The following PACC1 variants were observed in gnomAD, a reference collection of about 807,000 sequenced individuals.
PACC1 encodes the protein proton-activated chloride channel.
PACC1 carries 34 observed loss-of-function variants against 39.7 expected under a neutral mutation model. That is an observed-to-expected ratio of 0.86 (90% CI 0.65 to 1.14). The LOEUF (loss-of-function observed/expected upper bound fraction) is 1.14. Ranked by LOEUF, PACC1 falls within the 50% of genes most tolerant of loss-of-function variation. The pLI, the probability that PACC1 is intolerant of heterozygous loss-of-function variation, is 0.00. For missense variants in PACC1, 379 were observed against 436.4 expected (o/e 0.87, Z 1.17); for synonymous variants, 127 against 160.6 (o/e 0.79, Z 1.58).
chr1:212,406,714 C>T (rs1008144455), intron 2 of PACC1, among the ~76,000 whole-genome samples: 3 of 152,232 alleles, frequency 2.0e-5, no homozygotes, highest in South Asian at 2.1e-4. Flanking sequence ...AGTGGGAATG[C>T]TCTTGCCAGT....
At chr1:212,375,002 G>A (rs1330432134) in intron 7 of PACC1, among the ~76,000 whole-genome samples, 191 bp downstream of exon 7, 1 of 152,116 alleles carries the variant, frequency 6.6e-6, no homozygotes, top group African/African-American at 2.4e-5. Flanking sequence ...TAACATTGAT[G>A]TCATAAATAT....
chr1:212,385,747 G>A (rs1213285788), intron 3 of PACC1, among the ~76,000 whole-genome samples: 2 of 152,112 alleles, frequency 1.3e-5, no homozygotes, highest in African/African-American at 4.8e-5. Flanking sequence ...CAGCCCCTGT[G>A]CCACCCCTCT....
chr1:212,396,851 T>TC (rs1304706448), intron 2 of PACC1, among the ~76,000 whole-genome samples: 13 of 135,926 alleles, frequency 9.6e-5, no homozygotes, highest in East Asian at 8.8e-4. Flanking sequence ...TATCTATCTA[T>TC]TACATATAGA....
At chr1:212,412,057 C>A (rs1017136387) in intron 1 of PACC1, among the ~76,000 whole-genome samples, 5 of 152,002 alleles carry the variant, frequency 3.3e-5, no homozygotes, top group African/African-American at 1.2e-4. Context: ...AGGAGAATCT[C>A]TTGAACCCGG....
At chr1:212,382,185 C>T (rs528640648) in intron 4 of PACC1, among the ~76,000 whole-genome samples, 56 of 152,138 alleles carry the variant, frequency 3.7e-4, no homozygotes, top group African/African-American at 1.3e-3. Context: ...ACTACAGGCA[C>T]GTGCCACTAC....
chr1:212,413,941 G>C lies in PACC1; in HGVS notation c.36+781C>G, dbSNP rs1389260139. The C allele has an allele frequency of 9.8e-6, 15 of 1,535,626 alleles. No homozygotes were observed. The East Asian group carries it at 3.2e-4, about 33-fold the overall frequency. ...GGCCAATGAGGCGGCACGATGGAGG[G>C]GCACAGAAGAGGACGGTTGCCAAAG... On this transcript the variant is annotated intron_variant, in intron 1 of 7. Coordinates refer to ENST00000261455, the MANE Select transcript of PACC1 (RefSeq NM_018252.3).
At chr1:212,388,783 G>A (rs1661197036) in intron 2 of PACC1, among the ~76,000 whole-genome samples, 1 of 152,182 alleles carries the variant, frequency 6.6e-6, no homozygotes, top group Admixed American at 6.5e-5. Context: ...ACAGCAGTCT[G>A]AGCTGACTAA....
intron 1 of PACC1, chr1:212,413,879 A>G (rs1662225970): frequency 6.5e-7 from 1 of 1,526,980 alleles, no homozygotes; most frequent in South Asian, 1.2e-5. Context: ...ACAGGGACAC[A>G]AACTGGAGGA....
intron 2 of PACC1, among the ~76,000 whole-genome samples, chr1:212,407,492 G>T (rs780378870): frequency 1.5e-4 from 23 of 152,206 alleles, no homozygotes; most frequent in Non-Finnish European, 2.9e-4. Context: ...AGAAACAATA[G>T]AAAACTAATA....
intron 4 of PACC1, among the ~76,000 whole-genome samples, chr1:212,383,336 A>C (rs792446): frequency 0.51 from 78,136 of 152,010 alleles, 20,554 homozygotes; most frequent in Middle Eastern, 0.64. Context: ...CTAAGCATAC[A>C]CTTCAACTGG....
At chr1:212,392,069 T>C (rs1661342844) in intron 2 of PACC1, among the ~76,000 whole-genome samples, 1 of 152,092 alleles carries the variant, frequency 6.6e-6, no homozygotes, top group African/African-American at 2.4e-5. Context: ...CAGGCCAACA[T>C]TCAAATTCAG....
At position 212,385,320 on chromosome 1, in the gene PACC1, G is replaced by A; in HGVS notation, c.449C>T (p.Thr150Ile). The change falls in exon 4 of 8, where the codon ACC becomes ATC. Residue 150 changes from threonine (T) to isoleucine (I), a missense_variant. Coordinates refer to ENST00000261455, the MANE Select transcript of PACC1 (RefSeq NM_018252.3). ...GTCCGTGTAGTTGATCCTCTGGGTG[G>A]TGCAATTCATGTCACCCGGCTGGCC... ...SPGQPGDMNC[T>I]TQRINYTDPF... 1.2e-6 allele frequency: 2 copies of A among 1,614,156 alleles called. No homozygotes were observed. The highest frequency in any genetic ancestry group is 1.7e-6 in the Non-Finnish European group (2 of 1,180,020).
In PACC1 at chr1:212,387,109, A is replaced by G; in HGVS notation, c.134-9T>C. ...GGACTCGCTGTCCAGGCCTGACAAC[A>G]ACAAAACACCATGTGACCCAGGGCA... On this transcript the variant is annotated splice_polypyrimidine_tract_variant and intron_variant, in intron 2 of 7. Transcript: ENST00000261455. 1.2e-6 allele frequency: 2 copies of G among 1,613,298 alleles called. No individual in the cohort carries two copies. Among genetic ancestry groups the G allele is most frequent in the Non-Finnish European group, 1.7e-6 (2 of 1,179,960 alleles).
At chr1:212,382,802 C>T (rs897519774) in intron 4 of PACC1, among the ~76,000 whole-genome samples, 3 of 152,234 alleles carry the variant, frequency 2.0e-5, no homozygotes, top group Non-Finnish European at 4.4e-5. Context: ...CTAATGTCCA[C>T]TTCAGATATG....
chr1:212,387,041 C>T lies in PACC1; in HGVS notation c.193G>A (p.Val65Ile), dbSNP rs139687105. ...ATGAAGATGAGTAGGACCGAGAAGA[C>T]GTTCTTCAGGCAGGCCTTGCTGAAG... is the stretch of plus-strand genomic sequence containing the variant. The part of the protein sequence containing the change: ...IRFSKACLKN[V>I]FSVLLIFIYL... Residue 65 changes from valine (V) to isoleucine (I), a missense_variant, in exon 3 of 8, where the codon GTC (valine) becomes ATC (isoleucine). Physicochemically the swap from Val to Ile is conservative, Grantham distance 29. Coordinates refer to ENST00000261455, the MANE Select transcript of PACC1 (RefSeq NM_018252.3). 2.7e-5 allele frequency: 44 copies of T among 1,614,072 alleles called. No individual in the cohort carries two copies. The highest frequency in any genetic ancestry group is 5.0e-5 in the Admixed American group (3 of 60,006).
chr1:212,385,259 G>C lies in PACC1; in HGVS notation c.495+15C>G, dbSNP rs746457705. 1 of 1,613,644 alleles carries C rather than the reference G, an allele frequency of 6.2e-7. No homozygotes were observed. The highest frequency in any genetic ancestry group is 8.5e-7 in the Non-Finnish European group (1 of 1,179,926). ...GAGCAGCTGCCCAGACCCAGCTCAG[G>C]CAGACAGGAATTACCACAGTCTGAT... On this transcript the variant is annotated intron_variant, in intron 4 of 7. Coordinates refer to ENST00000261455, the MANE Select transcript of PACC1 (RefSeq NM_018252.3).
intron 4 of PACC1, among the ~76,000 whole-genome samples, chr1:212,382,667 T>C (rs573117277): frequency 8.5e-5 from 13 of 152,276 alleles, no homozygotes; most frequent in African/African-American, 2.9e-4. Flanking sequence ...ACTGCAAACA[T>C]AGGCAGTGGC....
intron 4 of PACC1, among the ~76,000 whole-genome samples, chr1:212,383,240 T>G (rs2102492502): frequency 6.6e-6 from 1 of 152,350 alleles, no homozygotes; most frequent in Non-Finnish European, 1.5e-5. Context: ...TTCAAGGGTT[T>G]TTACACTCTT....
At chr1:212,379,825 C>G (rs1660808624) in intron 5 of PACC1, 70 bp downstream of exon 5, 2 of 1,590,906 alleles carry the variant, frequency 1.3e-6, no homozygotes, top group South Asian at 2.2e-5. Context: ...CGTCTCTAGC[C>G]TTGGGACATA....
Sources: allele counts gnomAD v4.1 joint callset (sites outside exome capture counted in the v4.1 genomes callset), GRCh38; gene constraint gnomAD v4.1.1; transcripts MANE v1.5; gene names NCBI Gene and HGNC (gene_info 2026-07-23, HGNC 2026-07-21).